GLYATL3: variants seen among roughly 807,000 people sequenced by gnomAD.
GLYATL3 encodes glycine-N-acyltransferase like 3, also known as glycine N-acyltransferase-like protein 3.
In GLYATL3, 31 loss-of-function variants were observed where a neutral mutation model predicts 28.5. The observed-to-expected ratio is 1.09, with a 90% CI of 0.82 to 1.47. GLYATL3 has a LOEUF of 1.47. Ranked by LOEUF, GLYATL3 falls within the 40% of genes most tolerant of loss-of-function variation. The pLI is 0.00. For missense variants in GLYATL3, 369 were observed against 351.5 expected, an observed-to-expected ratio of 1.05 and a Z score of -0.40; for synonymous variants, 141 against 140.2, an observed-to-expected ratio of 1.01 and a Z score of -0.04.
chr6:49,504,344 T>G (rs528153728), intron 1 of GLYATL3, among the ~76,000 whole-genome samples: 4 of 151,986 alleles, frequency 2.6e-5, no homozygotes, highest in Middle Eastern at 3.2e-3. Flanking sequence ...GGACAAAATT[T>G]CAGGTGTCTA....
In GLYATL3 at chr6:49,527,161, C is replaced by A. The variant is rs966232420; in HGVS notation, c.*247C>A. 3.0e-5 allele frequency: 14 copies of A among 459,522 alleles called. No individual in the cohort carries two copies. Among genetic ancestry groups the A allele is most frequent in the Middle Eastern group, 5.6e-4 (1 of 1,798 alleles). 28.5% of individuals were successfully genotyped at this position (459,522 alleles called of 1,614,324 possible). ...GAGGACGATTGTCCTCCTGTAGGAT[C>A]CACTGTAGGAGAATAGGTTCTAAAG... is the stretch of plus-strand genomic sequence containing the variant. On this transcript the variant is annotated 3_prime_UTR_variant, in exon 6 of 6. Transcript: ENST00000371197.
At chr6:49,525,771 C>T (rs1769399890) in intron 5 of GLYATL3, among the ~76,000 whole-genome samples, 1 of 152,008 alleles carries the variant, frequency 6.6e-6, no homozygotes, top group Admixed American at 6.6e-5. Context: ...GCTCACTTAC[C>T]TGCCTGTGAT....
Position 49,517,521 on chromosome 6 carries a change from A to T in GLYATL3, c.278A>T (p.Asp93Val), listed in dbSNP as rs936969330. Reference protein sequence around the residue: ...RAYRQLLEECDVFNWDQVFQI... With the variant: ...RAYRQLLEECVVFNWDQVFQI... ...TATCGACAGCTATTGGAAGAATGTG[A>T]TGTTTTTAACTGGGACCAAGTTTTT... is the stretch of plus-strand genomic sequence containing the variant. The change falls in exon 4 of 6, where the codon GAT becomes GTT. Residue 93 changes from aspartate (D) to valine (V), a missense_variant. Physicochemically the swap from Asp to Val is radical, Grantham distance 152. Coordinates refer to ENST00000371197, the MANE Select transcript of GLYATL3 (RefSeq NM_001010904.2). 3 of 1,551,100 alleles carry T rather than the reference A, an allele frequency of 1.9e-6. No homozygotes were observed. In the Admixed American group the frequency reaches 5.9e-5, roughly 30 times the overall value.
chr6:49,518,083 G>A (rs1769248973), intron 4 of GLYATL3, among the ~76,000 whole-genome samples: 1 of 152,128 alleles, frequency 6.6e-6, no homozygotes, highest in Admixed American at 6.5e-5. Flanking sequence ...ATGCAGTGGT[G>A]TGATCATACC....
intron 5 of GLYATL3, among the ~76,000 whole-genome samples, chr6:49,523,865 T>C (rs1441021206): frequency 1.3e-5 from 2 of 152,240 alleles, no homozygotes; most frequent in Non-Finnish European, 2.9e-5. Flanking sequence ...ACCAAGTTAT[T>C]TGTTCTTTGA....
intron 5 of GLYATL3, among the ~76,000 whole-genome samples, chr6:49,524,394 T>C (rs1202675647): frequency 6.6e-6 from 1 of 152,192 alleles, no homozygotes; most frequent in Non-Finnish European, 1.5e-5. Flanking sequence ...CATTATCTCT[T>C]ACCGGTCACT....
chr6:49,509,897 TTTTAA>T (rs1231573296), intron 1 of GLYATL3, among the ~76,000 whole-genome samples: 4 of 152,174 alleles, frequency 2.6e-5, no homozygotes, highest in Admixed American at 6.5e-5. Context: ...CTTTGCCAAA[TTTTAA>T]TTTAAACTTA....
chr6:49,514,831 G>A (rs1769184767), intron 2 of GLYATL3, among the ~76,000 whole-genome samples: 1 of 152,072 alleles, frequency 6.6e-6, no homozygotes, highest in Non-Finnish European at 1.5e-5. Context: ...AGACTGAGGA[G>A]TTCAAGGCTG....
chr6:49,526,732 C>G lies in GLYATL3; in HGVS notation c.685C>G (p.Leu229Val), dbSNP rs1561981373. Residue 229 changes from leucine to valine, a missense_variant, in exon 6 of 6, where the codon CTG becomes GTG. Physicochemically the swap from Leu to Val is conservative, Grantham distance 32. Transcript: ENST00000371197. ...PEHRRKGYSR[L>V]VALTLARKLQ... ...ACATCGCAGGAAAGGTTACAGCCGG[C>G]TGGTGGCCCTCACGCTGGCCAGGAA... 6.4e-7 allele frequency: 1 copy of G among 1,551,766 alleles called. No homozygotes were observed. Among genetic ancestry groups the G allele is most frequent in the South Asian group, 1.2e-5 (1 of 84,064 alleles).
chr6:49,508,544 A>C (rs1163577027), intron 1 of GLYATL3, among the ~76,000 whole-genome samples: 2 of 152,132 alleles, frequency 1.3e-5, no homozygotes, highest in African/African-American at 4.8e-5. Context: ...TATCTTATCC[A>C]TATGGACAGG....
At chr6:49,519,568 A>G (rs2127237911) in intron 4 of GLYATL3, among the ~76,000 whole-genome samples, 1 of 152,288 alleles carries the variant, frequency 6.6e-6, no homozygotes, top group African/African-American at 2.4e-5. Context: ...TGTTTCCATA[A>G]CACAATTCAA....
chr6:49,526,620 G>A lies in GLYATL3; in HGVS notation c.573G>A (p.Val191=). 6.4e-7 allele frequency: 1 copy of A among 1,551,988 alleles called. No individual in the cohort carries two copies. The highest frequency in any genetic ancestry group is 8.7e-7 in the Non-Finnish European group (1 of 1,147,054). Residue 191 remains valine, a synonymous_variant, in exon 6 of 6, where the codon GTG becomes GTA. Transcript: ENST00000371197. ...ACCTCATCTCCTGCTTCCCTAGTGTGTGTGTCCGGGATGAGAAGGGAAACC... is the reference window on the plus strand; with the variant it reads ...ACCTCATCTCCTGCTTCCCTAGTGTATGTGTCCGGGATGAGAAGGGAAACC... ...IANLISCFPS[V]CVRDEKGNPV...
intron 4 of GLYATL3, among the ~76,000 whole-genome samples, chr6:49,520,398 T>A (rs1454020314): frequency 6.6e-6 from 1 of 152,176 alleles, no homozygotes; most frequent in African/African-American, 2.4e-5. Context: ...TAATATGAGA[T>A]ACTAGCCACA....
chr6:49,525,527 G>A (rs1228979062), intron 5 of GLYATL3, among the ~76,000 whole-genome samples: 1 of 116,074 alleles, frequency 8.6e-6, no homozygotes, highest in East Asian at 2.9e-4. Flanking sequence ...TTGCACCACC[G>A]CAACTCCAAA....
intron 5 of GLYATL3, among the ~76,000 whole-genome samples, chr6:49,523,019 T>C (rs560814420): frequency 6.6e-6 from 1 of 152,174 alleles, no homozygotes; most frequent in East Asian, 1.9e-4. Flanking sequence ...CGGATATTAC[T>C]CCTGTGTCCG....
intron 1 of GLYATL3, among the ~76,000 whole-genome samples, chr6:49,504,615 C>T (rs917153131): frequency 2.0e-5 from 3 of 152,052 alleles, no homozygotes; most frequent in African/African-American, 7.2e-5. Flanking sequence ...ACTCCTTATC[C>T]CCCTGTTTTT....
intron 2 of GLYATL3, 60 bp downstream of exon 2, chr6:49,512,128 T>A: frequency 1.2e-6 from 1 of 835,052 alleles, no homozygotes; most frequent in Non-Finnish European, 1.9e-6. Context: ...TAAAATAATG[T>A]CAAACTTGTG....
At position 49,524,859 on chromosome 6, in the gene GLYATL3, C is replaced by T. The variant is rs541547487; in HGVS notation, c.441-1629C>T. Among the ~76,000 whole-genome samples, 10 of 150,608 alleles carry T rather than the reference C, an allele frequency of 6.6e-5. 1 individual carries two copies. In the South Asian group the frequency reaches 1.9e-3, roughly 29 times the overall value. On this transcript the variant is annotated intron_variant, in intron 5 of 5. Transcript: ENST00000371197. The stretch of plus-strand genomic sequence containing the variant: ...GCTGGGCATGTTGGCACGCGCCTGT[C>T]ATCCCAGCTGCTTGGGAGGCTAAGG...
chr6:49,515,887 T>C (rs528942146), intron 3 of GLYATL3, 127 bp downstream of exon 3: 21 of 608,428 alleles, frequency 3.5e-5, no homozygotes, highest in Middle Eastern at 7.5e-4. Context: ...TTCATTTCTT[T>C]TCTTTCTTTC....
Sources: gnomAD v4.1 joint callset for allele counts (sites outside exome capture counted in the v4.1 genomes callset) on GRCh38, gnomAD v4.1.1 for gene constraint, MANE v1.5 for transcripts, NCBI Gene and HGNC (gene_info 2026-07-23, HGNC 2026-07-21) for gene names.